The following KCNN2 variants were observed in gnomAD, a reference collection of about 807,000 sequenced individuals.
KCNN2 encodes potassium calcium-activated channel subfamily N member 2, also known as small conductance calcium-activated potassium channel protein 2.
KCNN2 carries 24 observed loss-of-function variants against 55.5 expected under a neutral mutation model. The ratio of observed to expected loss-of-function variants is 0.43; its 90% CI spans 0.31 to 0.61. KCNN2 has a LOEUF of 0.61. Ranked by LOEUF, KCNN2 falls within the 20% of genes least tolerant of loss-of-function variation. KCNN2 has a pLI of 0.08. For missense variants in KCNN2, 754 were observed against 853.6 expected, an observed-to-expected ratio of 0.88 and a Z score of 1.45; for synonymous variants, 431 against 336.1, an observed-to-expected ratio of 1.28 and a Z score of -3.09.
At chr5:114,113,074 G>T (rs1359045666) in intron 1 of KCNN2, among the ~76,000 whole-genome samples, 1 of 151,990 alleles carries the variant, frequency 6.6e-6, no homozygotes, top group Non-Finnish European at 1.5e-5. Flanking sequence ...ACCATTGAGG[G>T]CCAGGCTCCT....
At chr5:114,108,191 C>T (rs565150110) in intron 1 of KCNN2, among the ~76,000 whole-genome samples, 21 of 151,690 alleles carry the variant, frequency 1.4e-4, no homozygotes, top group Non-Finnish European at 1.8e-4. Context: ...GAAAAAAGTT[C>T]GAAGGGAAGG....
intron 1 of KCNN2, among the ~76,000 whole-genome samples, chr5:114,190,037 T>TA (rs147830871): frequency 0.019 from 2,931 of 152,186 alleles, 88 homozygotes; most frequent in African/African-American, 0.066. Flanking sequence ...AGGAATTCTT[T>TA]AAAACAAGAT....
At chr5:114,112,463 A>C (rs938499704) in intron 1 of KCNN2, among the ~76,000 whole-genome samples, 3 of 152,218 alleles carry the variant, frequency 2.0e-5, no homozygotes, top group Admixed American at 1.3e-4. Flanking sequence ...TGTACCATAG[A>C]ACCAAAGTAT....
intron 2 of KCNN2, among the ~76,000 whole-genome samples, chr5:114,233,174 C>A (rs985246877): frequency 1.5e-4 from 22 of 151,376 alleles, no homozygotes; most frequent in Non-Finnish European, 2.8e-4. Flanking sequence ...CCCGCCTCGG[C>A]CTCCCAAAGT....
intron 1 of KCNN2, among the ~76,000 whole-genome samples, chr5:114,124,612 C>G (rs1360456755): frequency 6.6e-6 from 1 of 152,168 alleles, no homozygotes; most frequent in Admixed American, 6.5e-5. Context: ...TCCCGTTACT[C>G]TCTCCCTTGT....
chr5:114,067,543 C>G (rs550986546), intron 1 of KCNN2, among the ~76,000 whole-genome samples: 6 of 152,194 alleles, frequency 3.9e-5, no homozygotes, highest in African/African-American at 1.4e-4. Context: ...CCTATCATAG[C>G]TAAATTTGGT....
At chr5:114,273,356 T>C (rs986329065) in intron 2 of KCNN2, among the ~76,000 whole-genome samples, 2 of 152,214 alleles carry the variant, frequency 1.3e-5, no homozygotes, top group African/African-American at 4.8e-5. Context: ...TGTGTCTTTA[T>C]TGTAGAATCT....
At chr5:114,244,306 G>A (rs4308475) in intron 2 of KCNN2, among the ~76,000 whole-genome samples, 113 of 151,878 alleles carry the variant, frequency 7.4e-4, no homozygotes, top group African/African-American at 2.7e-3. Flanking sequence ...TTTTTTGCTT[G>A]TTTATTTAAA....
chr5:114,093,105 A>C (rs1751181803), intron 1 of KCNN2, among the ~76,000 whole-genome samples: 2 of 152,028 alleles, frequency 1.3e-5, no homozygotes, highest in Admixed American at 6.6e-5. Context: ...CTTTCCTTTT[A>C]AACATAAGTT....
chr5:114,475,696 C>T (rs868760838), intron 5 of KCNN2, among the ~76,000 whole-genome samples: 50 of 152,112 alleles, frequency 3.3e-4, no homozygotes, highest in African/African-American at 1.1e-3. Context: ...TCCTGCTTGG[C>T]AGAAAAATGC....
intron 6 of KCNN2, among the ~76,000 whole-genome samples, chr5:114,487,680 G>A (rs1344954798): frequency 6.6e-6 from 1 of 152,004 alleles, no homozygotes; most frequent in Non-Finnish European, 1.5e-5. Context: ...CCACTATTAT[G>A]GTTTAAGTCC....
chr5:114,443,239 C>T lies in KCNN2; in HGVS notation c.1638-19810C>T, dbSNP rs183523856. Among the ~76,000 whole-genome samples, 9 of 150,162 alleles carry T rather than the reference C, an allele frequency of 6.0e-5. No individual in the cohort carries two copies. In the East Asian group the frequency reaches 1.2e-3, roughly 20 times the overall value. On this transcript the variant is annotated intron_variant, in intron 3 of 7. Coordinates refer to ENST00000673685, the MANE Select transcript of KCNN2 (RefSeq NM_021614.4). ...GCAGGAGGGGGAGGTTGCAGTGAGCCGAGATCATGCCACTGACTCCAGCCT... is the reference window on the plus strand; with the variant it reads ...GCAGGAGGGGGAGGTTGCAGTGAGCTGAGATCATGCCACTGACTCCAGCCT...
intron 2 of KCNN2, among the ~76,000 whole-genome samples, chr5:114,312,746 A>G (rs377408775): frequency 6.6e-6 from 1 of 152,020 alleles, no homozygotes; most frequent in Non-Finnish European, 1.5e-5. Context: ...TGCACTTGAC[A>G]TAATTTCCTA....
chr5:114,186,977 A>G (rs1753346708), intron 1 of KCNN2, among the ~76,000 whole-genome samples: 1 of 152,230 alleles, frequency 6.6e-6, no homozygotes, highest in Non-Finnish European at 1.5e-5. Context: ...AACATGGTAA[A>G]GAAGTCATAA....
At chr5:114,103,304 A>G (rs190629112) in intron 1 of KCNN2, among the ~76,000 whole-genome samples, 33 of 152,330 alleles carry the variant, frequency 2.2e-4, no homozygotes, top group Non-Finnish European at 8.8e-5. Flanking sequence ...GAAGTTGCTT[A>G]TCGGCTTAAG....
chr5:114,174,783 C>A (rs1753104468), intron 1 of KCNN2, among the ~76,000 whole-genome samples: 1 of 152,140 alleles, frequency 6.6e-6, no homozygotes, highest in Non-Finnish European at 1.5e-5. Flanking sequence ...AAAATATATT[C>A]TATCCTTGGG....
At position 114,362,378 on chromosome 5, in the gene KCNN2, CG is replaced by C; in HGVS notation, c.244del (p.Ala82ArgfsTer46). ...NSCASSGAPA[A>X]GAGDNLSLLL... Reference sequence around the variant, plus strand: ...TGCGCCTCCTCCGGTGCCCCGGCGGCGGGGGCGGGAGATAACCTGTCCCTGC... The same window carrying C: ...TGCGCCTCCTCCGGTGCCCCGGCGGCGGGGCGGGAGATAACCTGTCCCTGC... On this transcript the variant is annotated frameshift_variant, in exon 1 of 8. Transcript: ENST00000673685. LOFTEE classifies it high-confidence loss of function. 4.5e-6 allele frequency: 1 copy of C among 220,056 alleles called. No homozygotes were observed. Among genetic ancestry groups the C allele is most frequent in the Non-Finnish European group, 8.8e-6 (1 of 113,330 alleles). 13.6% of individuals were successfully genotyped at this position (220,056 alleles called of 1,614,324 possible).
chr5:114,185,799 G>T (rs540058959), intron 1 of KCNN2, among the ~76,000 whole-genome samples: 1 of 152,318 alleles, frequency 6.6e-6, no homozygotes, highest in East Asian at 1.9e-4. Flanking sequence ...CTAATGACAA[G>T]GAGGAGCCTT....
chr5:114,420,446 A>T (rs1435256448), intron 3 of KCNN2, among the ~76,000 whole-genome samples: 1 of 152,162 alleles, frequency 6.6e-6, no homozygotes, highest in East Asian at 1.9e-4. Context: ...CAAATGCAGG[A>T]CTGCTTCTAC....
Sources: gnomAD v4.1 joint callset for allele counts (sites outside exome capture counted in the v4.1 genomes callset) on GRCh38, gnomAD v4.1.1 for gene constraint, MANE v1.5 for transcripts, NCBI Gene and HGNC (gene_info 2026-07-23, HGNC 2026-07-21) for gene names.